The following PCDHGB1 variants were observed in gnomAD, a reference collection of about 807,000 sequenced individuals.
PCDHGB1 encodes the protein protocadherin gamma-B1.
Under a neutral mutation model 56.6 loss-of-function variants are expected in PCDHGB1, and 34 were observed. That is an observed-to-expected ratio of 0.60 (90% CI 0.46 to 0.80). The LOEUF is 0.80. Ranked by LOEUF, PCDHGB1 falls within the 30% of genes least tolerant of loss-of-function variation. The pLI is 0.00. For missense variants in PCDHGB1, 1,278 were observed against 1,204.6 expected (o/e 1.06, Z -0.90); for synonymous variants, 561 against 505.9 (o/e 1.11, Z -1.46).
intron 1 of PCDHGB1, chr5:141,413,395 G>C: frequency 6.2e-7 from 1 of 1,614,050 alleles, no homozygotes; most frequent in Non-Finnish European, 8.5e-7. Context: ...AGTCTCCAGA[G>C]GTAGGACGCA....
intron 1 of PCDHGB1, chr5:141,410,195 G>T (rs769655902): frequency 1.2e-6 from 2 of 1,613,966 alleles, no homozygotes; most frequent in East Asian, 4.5e-5. Context: ...TCTGGTCTTC[G>T]CAGACAACTT....
chr5:141,360,455 A>G (rs369787624), intron 1 of PCDHGB1: 1 of 1,613,980 alleles, frequency 6.2e-7, no homozygotes, highest in Non-Finnish European at 8.5e-7. Context: ...CTGGATTTCG[A>G]TACTGTCGCT....
chr5:141,383,705 T>C lies in PCDHGB1; in HGVS notation c.2409+31036T>C, dbSNP rs765563941. The C allele has an allele frequency of 5.0e-6, 8 of 1,614,020 alleles. No individual in the cohort carries two copies. In the South Asian group the frequency reaches 8.8e-5, roughly 18 times the overall value. ...CTGCTCACGGTACATGCTATCGACC[T>C]GGACGAGGGAGTCAATGGGGAAGTG... On this transcript the variant is annotated intron_variant, in intron 1 of 3. Transcript: ENST00000523390.
At position 141,487,147 on chromosome 5, in the gene PCDHGB1, T is replaced by C; in HGVS notation, c.2410-7660T>C. 1 of 1,614,122 alleles carries C rather than the reference T, an allele frequency of 6.2e-7. No individual in the cohort carries two copies. Among genetic ancestry groups the C allele is most frequent in the Non-Finnish European group, 8.5e-7 (1 of 1,179,952 alleles). On this transcript the variant is annotated intron_variant, in intron 1 of 3. Transcript: ENST00000523390. This position sits in a 1 kb window ranked among gnomAD's most constrained non-coding sequence, Gnocchi z 5.0. ...GTGGTAGTCCACCACTCTCTACCTC[T>C]GTTACTCTCTTAGTGTCCTTAGAGG...
chr5:141,508,826 C>T (rs2099872187), intron 3 of PCDHGB1, among the ~76,000 whole-genome samples: 1 of 152,092 alleles, frequency 6.6e-6, no homozygotes, highest in South Asian at 2.1e-4. Context: ...AGATCTGGGC[C>T]CCCCTCCCCT....
At chr5:141,428,552 T>TC in intron 1 of PCDHGB1, 2 of 244,422 alleles carry the variant, frequency 8.2e-6, no homozygotes, top group African/African-American at 2.2e-5. Context: ...CCAGAAACAG[T>TC]CCCCCCACAA....
At position 141,360,885 on chromosome 5, in the gene PCDHGB1, C is replaced by T. The variant is rs762942158; in HGVS notation, c.2409+8216C>T. 3 of 1,614,014 alleles carry T rather than the reference C, an allele frequency of 1.9e-6. No homozygotes were observed. The East Asian group carries it at 6.7e-5, about 36-fold the overall frequency. On this transcript the variant is annotated intron_variant, in intron 1 of 3. Coordinates refer to ENST00000523390, the MANE Select transcript of PCDHGB1 (RefSeq NM_018922.3). ...TCAGCCAGGACGTGTACAGGGTCACCCTGAGGGAGGACGTGCCGCCGGGCT... is the reference window on the plus strand; with the variant it reads ...TCAGCCAGGACGTGTACAGGGTCACTCTGAGGGAGGACGTGCCGCCGGGCT...
intron 1 of PCDHGB1, chr5:141,393,417 A>C: frequency 6.2e-7 from 1 of 1,614,032 alleles, no homozygotes; most frequent in Non-Finnish European, 8.5e-7. Context: ...CGCCCTGGAC[A>C]GGGAGGAAGA....
At chr5:141,356,798 C>T (rs760196769) in intron 1 of PCDHGB1, 2 of 1,613,916 alleles carry the variant, frequency 1.2e-6, no homozygotes, top group Non-Finnish European at 8.5e-7. Context: ...CTGCTGATGA[C>T]AGCCAGTGAC....
At chr5:141,388,674 G>A in intron 1 of PCDHGB1, 2 of 1,613,940 alleles carry the variant, frequency 1.2e-6, no homozygotes, top group Non-Finnish European at 8.5e-7. Context: ...GGTGCTACAG[G>A]TGACTGCCAC....
At chr5:141,388,568 ACACG>A in intron 1 of PCDHGB1, 1 of 1,613,888 alleles carries the variant, frequency 6.2e-7, no homozygotes, top group Non-Finnish European at 8.5e-7. Context: ...CTGCACAGAT[ACACG>A]TTCTAGTGAC....
rs1264688160 is a variant in PCDHGB1, at chr5:141,493,193, G to A, written c.2410-1614G>A. 6.6e-6 allele frequency among the ~76,000 whole-genome samples: 1 copy of A among 152,128 alleles called. No individual in the cohort carries two copies. On this transcript the variant is annotated intron_variant, in intron 1 of 3. Transcript: ENST00000523390. This position sits in a 1 kb window ranked among gnomAD's most constrained non-coding sequence, Gnocchi z 4.3. ...GAGAAACTTACTATATAACTCCTTT[G>A]AGAACCTCATCTCATTTGCTCTTCC...
At position 141,417,952 on chromosome 5, in the gene PCDHGB1, G is replaced by C. The variant is rs766243694; in HGVS notation, c.2409+65283G>C. 10 of 1,613,510 alleles carry C rather than the reference G, an allele frequency of 6.2e-6. No individual in the cohort carries two copies. In the African/African-American group the frequency reaches 1.3e-4, roughly 22 times the overall value. On this transcript the variant is annotated intron_variant, in intron 1 of 3. Coordinates refer to ENST00000523390, the MANE Select transcript of PCDHGB1 (RefSeq NM_018922.3). ...CTTTGTTCTACCCCACGCTGTGTGA[G>C]CCGATCCGCTACTCGATTCCGGAGG...
chr5:141,384,810 C>A (rs755407612), intron 1 of PCDHGB1: 3 of 1,613,422 alleles, frequency 1.9e-6, no homozygotes, highest in Middle Eastern at 1.7e-4. Flanking sequence ...ACAGAGATGC[C>A]CTCAAGCAGA....
intron 1 of PCDHGB1, among the ~76,000 whole-genome samples, chr5:141,445,929 A>G (rs1388363296): frequency 6.6e-6 from 1 of 152,208 alleles, no homozygotes; most frequent in Non-Finnish European, 1.5e-5. Context: ...AAGATATTTG[A>G]ATTATTAAGC....
chr5:141,379,540 G>C (rs1322397241), intron 1 of PCDHGB1: 2 of 152,194 alleles, frequency 1.3e-5, no homozygotes, highest in Non-Finnish European at 2.9e-5. Context: ...TATAGGGAAA[G>C]CTCACTAACT....
intron 1 of PCDHGB1, among the ~76,000 whole-genome samples, chr5:141,380,002 C>A (rs1238165554): frequency 6.9e-6 from 1 of 143,940 alleles, no homozygotes; most frequent in Non-Finnish European, 1.5e-5. Flanking sequence ...TGGGTTCAAG[C>A]GATTCTCCTG....
chr5:141,494,705 G>C, intron 1 of PCDHGB1, 102 bp from the exon 2 acceptor site: 1 of 1,597,990 alleles, frequency 6.3e-7, no homozygotes, highest in Non-Finnish European at 8.6e-7. Flanking sequence ...TTTCTTCTCT[G>C]TGCCCACTCC....
chr5:141,484,334 A>G (rs988395353), intron 1 of PCDHGB1, among the ~76,000 whole-genome samples: 3 of 152,192 alleles, frequency 2.0e-5, no homozygotes, highest in East Asian at 1.9e-4. Context: ...CTTGAAATCA[A>G]TGAATGGTAA....
Sources: gnomAD v4.1 joint callset for allele counts (sites outside exome capture counted in the v4.1 genomes callset) on GRCh38, gnomAD v4.1.1 for gene constraint, Gnocchi (gnomAD v3.1) non-coding constraint, MANE v1.5 for transcripts, NCBI Gene and HGNC (gene_info 2026-07-23, HGNC 2026-07-21) for gene names.